The following FAM222B variants were observed in gnomAD, a reference collection of about 807,000 sequenced individuals.
FAM222B encodes family with sequence similarity 222 member B, also known as protein FAM222B.
A neutral mutation model predicts 38.0 loss-of-function variants in FAM222B; 12 were observed. The observed-to-expected ratio is 0.32, with a 90% CI of 0.20 to 0.51. The LOEUF (loss-of-function observed/expected upper bound fraction) is 0.51, where lower values mean the gene tolerates loss of function less well. Among genes scored for constraint, FAM222B ranks in the 20% least tolerant of loss-of-function variants. The pLI is 0.97. For missense variants in FAM222B, 716 were observed against 754.2 expected (o/e 0.95, Z 0.59); for synonymous variants, 329 against 317.2 (o/e 1.04, Z -0.40).
chr17:28,757,376 AT>A lies in FAM222B; in HGVS notation c.*893del, dbSNP rs34984874. The A allele has an allele frequency of 2.9e-3, 426 of 144,502 alleles. 1 individual carries two copies. The highest frequency in any genetic ancestry group is 3.9e-3 in the African/African-American group (153 of 39,202). The allele number at this position is 144,502 out of a possible 1,614,324, so 9.0% of individuals were successfully genotyped here. A position where few individuals can be genotyped will look rare whatever the true frequency, so the allele number is the denominator to read the frequency against. On this transcript the variant is annotated 3_prime_UTR_variant, in exon 3 of 3. Coordinates refer to ENST00000581407, the MANE Select transcript of FAM222B (RefSeq NM_001077498.3). Reference sequence around the variant, plus strand: ...AGCCAGTGTAGAGAGAACCAAATGCATTTTTTTTTTTTTGGTGTTTTTAATC... The same window carrying A: ...AGCCAGTGTAGAGAGAACCAAATGCATTTTTTTTTTTTGGTGTTTTTAATC...
intron 1 of FAM222B, among the ~76,000 whole-genome samples, chr17:28,813,183 A>G (rs2151931343): frequency 6.6e-6 from 1 of 150,880 alleles, no homozygotes; most frequent in South Asian, 2.1e-4. Context: ...GTTGGCTCCA[A>G]CCTGTTTCAG....
chr17:28,789,268 A>G (rs1160437574), intron 1 of FAM222B, among the ~76,000 whole-genome samples: 1 of 148,156 alleles, frequency 6.7e-6, no homozygotes, highest in African/African-American at 2.5e-5. Flanking sequence ...GCGGAATCTC[A>G]GCTCATTGCA....
chr17:28,816,649 A>C (rs71372395), intron 1 of FAM222B, among the ~76,000 whole-genome samples: 4 of 152,216 alleles, frequency 2.6e-5, no homozygotes, highest in Admixed American at 6.5e-5. Flanking sequence ...ACAAAAAAAA[A>C]CAATGATTGC....
At chr17:28,772,283 A>C (rs567340400) in intron 1 of FAM222B, among the ~76,000 whole-genome samples, 1 of 152,246 alleles carries the variant, frequency 6.6e-6, no homozygotes, top group East Asian at 1.9e-4. Flanking sequence ...TTATGAATCC[A>C]GAAAGAGCCA....
chr17:28,808,566 G>A (rs2037598700), intron 1 of FAM222B, among the ~76,000 whole-genome samples: 1 of 152,208 alleles, frequency 6.6e-6, no homozygotes, highest in South Asian at 2.1e-4. Context: ...CCTCATCTGA[G>A]TGGTAAACAG....
At chr17:28,848,303 G>A (rs73986759) in intron 1 of FAM222B, among the ~76,000 whole-genome samples, 3,290 of 152,178 alleles carry the variant, frequency 0.022, 112 homozygotes, top group African/African-American at 0.075. Context: ...AATGTTATAC[G>A]CTGATTGAGT....
chr17:28,822,864 T>TATATATACAC (rs890920362), intron 1 of FAM222B, among the ~76,000 whole-genome samples: 1 of 80,008 alleles, frequency 1.2e-5, no homozygotes, highest in African/African-American at 5.2e-5. Context: ...TATATATATA[T>TATATATACAC]ACACACATAT....
rs2036560994 is a variant in FAM222B at position 28,789,246 on chromosome 17, G to C, written c.-40-22539C>G. 2.0e-5 allele frequency among the ~76,000 whole-genome samples: 3 copies of C among 150,756 alleles called. No homozygotes were observed. The South Asian group carries it at 6.3e-4, about 32-fold the overall frequency. On this transcript the variant is annotated intron_variant, in intron 1 of 2. Transcript: ENST00000581407. Reference sequence around the variant, plus strand: ...GAGTCTCGCTCTGTTACGCAGGCTGGAGTGTGCAGTGGCGGAATCTCAGCT... The same window carrying C: ...GAGTCTCGCTCTGTTACGCAGGCTGCAGTGTGCAGTGGCGGAATCTCAGCT...
At chr17:28,818,557 A>AAAAAAT (rs1019684918) in intron 1 of FAM222B, among the ~76,000 whole-genome samples, 15 of 151,624 alleles carry the variant, frequency 9.9e-5, no homozygotes, top group Admixed American at 3.9e-4. Context: ...GAATAAAAAT[A>AAAAAAT]AAAAATAAAA....
chr17:28,815,861 G>A (rs2038002083), intron 1 of FAM222B, among the ~76,000 whole-genome samples: 1 of 151,812 alleles, frequency 6.6e-6, no homozygotes, highest in South Asian at 2.1e-4. Flanking sequence ...CAGCTACTCA[G>A]CAGGCTGAGG....
At chr17:28,794,521 G>C (rs2036850241) in intron 1 of FAM222B, among the ~76,000 whole-genome samples, 1 of 152,054 alleles carries the variant, frequency 6.6e-6, no homozygotes, top group African/African-American at 2.4e-5. Context: ...TGCCCGGCCT[G>C]TCTTTTGCAT....
At chr17:28,846,526 G>C (rs750960852), upstream of FAM222B, among the ~76,000 whole-genome samples, 3 of 151,922 alleles carry the variant, frequency 2.0e-5, no homozygotes, top group African/African-American at 7.3e-5. Flanking sequence ...AAAATTAGCC[G>C]GGTGTGGTGG....
At chr17:28,845,234 T>C (rs369291751), upstream of FAM222B, among the ~76,000 whole-genome samples, 10 of 150,406 alleles carry the variant, frequency 6.6e-5, no homozygotes, top group East Asian at 1.6e-3. Context: ...ACCTCATCTC[T>C]ACTAAAAATA....
chr17:28,819,217 C>A (rs1309645467), intron 1 of FAM222B, among the ~76,000 whole-genome samples: 1 of 152,182 alleles, frequency 6.6e-6, no homozygotes, highest in East Asian at 1.9e-4. Context: ...GCATTCAATG[C>A]AATAGCCTCC....
chr17:28,807,793 G>A (rs1166803746), intron 1 of FAM222B, among the ~76,000 whole-genome samples: 1 of 152,202 alleles, frequency 6.6e-6, no homozygotes, highest in Non-Finnish European at 1.5e-5. Context: ...ACCATCAAGT[G>A]TTCACAGAAT....
intron 1 of FAM222B, among the ~76,000 whole-genome samples, chr17:28,839,510 G>T (rs890924708): frequency 6.6e-6 from 1 of 152,130 alleles, no homozygotes; most frequent in African/African-American, 2.4e-5. Context: ...CATAACATGG[G>T]TGGCATTTAT....
Position 28,766,844 on chromosome 17 carries a change from G to C in FAM222B, c.-40-137C>G, listed in dbSNP as rs557605553. The C allele has an allele frequency of 2.5e-4, 141 of 570,874 alleles. 1 individual carries two copies. The highest frequency in any genetic ancestry group is 2.3e-3 in the African/African-American group (125 of 53,494). The allele number at this position is 570,874 out of a possible 1,614,324, so 35.4% of individuals were successfully genotyped here. ...TTAATTAGCAGTGTGTTGGTTGAAA[G>C]TATACTTACATCTTTATCTGTGACG... On this transcript the variant is annotated intron_variant, in intron 1 of 2. Transcript: ENST00000581407.
chr17:28,813,059 GCAT>G (rs2037869110), intron 1 of FAM222B, among the ~76,000 whole-genome samples: 1 of 90,126 alleles, frequency 1.1e-5, no homozygotes, highest in Non-Finnish European at 2.1e-5. Context: ...GGCGTTGGAG[GCAT>G]GTTGGGAAAG....
chr17:28,803,875 G>A (rs2037352681), intron 1 of FAM222B, among the ~76,000 whole-genome samples: 1 of 151,884 alleles, frequency 6.6e-6, no homozygotes, highest in Non-Finnish European at 1.5e-5. Context: ...CCAACTACTT[G>A]GGAGGCTGAG....
Sources: gnomAD v4.1 joint callset for allele counts (sites outside exome capture counted in the v4.1 genomes callset) on GRCh38, gnomAD v4.1.1 for gene constraint, MANE v1.5 for transcripts, NCBI Gene and HGNC (gene_info 2026-07-23, HGNC 2026-07-21) for gene names.